The following SH3GL3 variants were observed in gnomAD, a reference collection of about 807,000 sequenced individuals.
SH3GL3 encodes endophilin-A3.
In SH3GL3, 33 loss-of-function variants were observed where a neutral mutation model predicts 47.7. The observed-to-expected ratio is 0.69, with a 90% CI of 0.52 to 0.92. The LOEUF (loss-of-function observed/expected upper bound fraction) is 0.92. Among genes scored for constraint, SH3GL3 ranks in the 40% least tolerant of loss-of-function variants. The pLI, the probability that SH3GL3 is intolerant of heterozygous loss-of-function variation, is 0.00. For missense variants in SH3GL3, 363 were observed against 417.8 expected (o/e 0.87, Z 1.14); for synonymous variants, 155 against 148.8 (o/e 1.04, Z -0.30).
chr15:83,478,230 T>C (rs911237709), intron 1 of SH3GL3, among the ~76,000 whole-genome samples: 9 of 152,156 alleles, frequency 5.9e-5, no homozygotes, highest in African/African-American at 2.2e-4. Flanking sequence ...TCTGAGCAGG[T>C]AGAAGGTGTA....
intron 1 of SH3GL3, among the ~76,000 whole-genome samples, chr15:83,474,746 C>T (rs775169491): frequency 2.6e-5 from 4 of 152,132 alleles, no homozygotes; most frequent in Non-Finnish European, 5.9e-5. Flanking sequence ...ATGAACTGAG[C>T]GCTTGCCCAT....
At chr15:83,535,036 T>C (rs529872588) in intron 1 of SH3GL3, among the ~76,000 whole-genome samples, 1 of 152,314 alleles carries the variant, frequency 6.6e-6, no homozygotes, top group Non-Finnish European at 1.5e-5. Context: ...AAAGTTTTAA[T>C]AAAATTTGGT....
the SH3GL3 span, among the ~76,000 whole-genome samples, chr15:83,627,827 C>T: frequency 6.6e-6 from 1 of 152,140 alleles, no homozygotes; most frequent in East Asian, 1.9e-4. Context: ...TAAAGCCACC[C>T]CTCTTTTTCA....
chr15:83,497,563 G>A (rs2151597478), intron 1 of SH3GL3, among the ~76,000 whole-genome samples: 1 of 152,240 alleles, frequency 6.6e-6, no homozygotes, highest in African/African-American at 2.4e-5. Context: ...CCTAAGGTCT[G>A]TGCAGGTTAC....
intron 6 of SH3GL3, 127 bp downstream of exon 6, chr15:83,576,868 C>T: frequency 2.3e-6 from 1 of 435,944 alleles, no homozygotes; most frequent in African/African-American, 2.1e-5. Flanking sequence ...CTGGGCCACA[C>T]ATAAAATACA....
chr15:83,537,729 C>G lies in SH3GL3; in HGVS notation c.46-21524C>G, dbSNP rs185663163. 6.5e-4 allele frequency among the ~76,000 whole-genome samples: 99 copies of G among 152,174 alleles called. 1 individual carries two copies. Among genetic ancestry groups the G allele is most frequent in the Middle Eastern group, 3.4e-3 (1 of 294 alleles). On this transcript the variant is annotated intron_variant, in intron 1 of 8. Coordinates refer to ENST00000427482, the MANE Select transcript of SH3GL3 (RefSeq NM_003027.5). ...TCTGTATCAACTTTTATCTTGGGAG[C>G]AGTTTTCTACTATGCATATATTGGT...
At chr15:83,545,755 C>T (rs1310862797) in intron 1 of SH3GL3, among the ~76,000 whole-genome samples, 1 of 152,168 alleles carries the variant, frequency 6.6e-6, no homozygotes, top group East Asian at 1.9e-4. Context: ...GCCCTAAGCC[C>T]AGTAACTCTG....
Position 83,525,351 on chromosome 15 carries a change from C to CGTGTGTGTGTGTGT in SH3GL3, c.46-33887_46-33874dup, listed in dbSNP as rs3078536. Among the ~76,000 whole-genome samples, 483 of 148,092 alleles carry CGTGTGTGTGTGTGT rather than the reference C, an allele frequency of 3.3e-3. 8 individuals are homozygous for CGTGTGTGTGTGTGT. In the South Asian group the frequency reaches 0.042, roughly 13 times the overall value. On this transcript the variant is annotated intron_variant, in intron 1 of 8. Transcript: ENST00000427482. Reference sequence around the variant, plus strand: ...GCTATTTTAAATGAGATTCTTTGTGCGTGTGTGTGTGTGTGTGTGTGTGTG... The same window carrying CGTGTGTGTGTGTGT: ...GCTATTTTAAATGAGATTCTTTGTGCGTGTGTGTGTGTGTGTGTGTGTGTGTGTGTGTGTGTGTG...
the SH3GL3 span, among the ~76,000 whole-genome samples, chr15:83,632,388 A>G: frequency 8.9e-4 from 136 of 152,358 alleles, no homozygotes; most frequent in African/African-American, 3.1e-3. Context: ...GGAGCTTCTA[A>G]GCACATCATT....
downstream of SH3GL3, among the ~76,000 whole-genome samples, chr15:83,620,581 AG>A (rs2060912637): frequency 6.6e-6 from 1 of 152,248 alleles, no homozygotes; most frequent in African/African-American, 2.4e-5. Context: ...TCTGAACGGT[AG>A]ATCTCAACAG....
intron 1 of SH3GL3, among the ~76,000 whole-genome samples, chr15:83,504,995 G>A (rs2042435853): frequency 6.6e-6 from 1 of 152,038 alleles, no homozygotes; most frequent in South Asian, 2.1e-4. Flanking sequence ...TTTTATACAT[G>A]TATTTTAAAA....
chr15:83,475,747 C>A (rs755279315), intron 1 of SH3GL3, among the ~76,000 whole-genome samples: 1 of 152,192 alleles, frequency 6.6e-6, no homozygotes. Flanking sequence ...CTCATGACTT[C>A]GCACTTACAG....
intron 8 of SH3GL3, among the ~76,000 whole-genome samples, chr15:83,606,287 T>C (rs2060513116): frequency 6.6e-6 from 1 of 152,194 alleles, no homozygotes; most frequent in African/African-American, 2.4e-5. Context: ...ATAAATTTCT[T>C]CACACTTCTA....
chr15:83,450,714 T>C (rs563817008), intron 1 of SH3GL3, among the ~76,000 whole-genome samples: 56 of 150,080 alleles, frequency 3.7e-4, no homozygotes, highest in African/African-American at 1.1e-3. Flanking sequence ...TCTTTTTTTT[T>C]TTTTTTCTAA....
At chr15:83,478,547 A>C (rs958783968) in intron 1 of SH3GL3, among the ~76,000 whole-genome samples, 2 of 152,240 alleles carry the variant, frequency 1.3e-5, no homozygotes, top group Non-Finnish European at 2.9e-5. Flanking sequence ...TGAAGCTTAG[A>C]AATTATGTAT....
chr15:83,565,726 A>G (rs2045502895), intron 3 of SH3GL3: 2 of 152,206 alleles, frequency 1.3e-5, no homozygotes, highest in African/African-American at 4.8e-5. Flanking sequence ...AGCAGCATCT[A>G]TTGATGAGAT....
In SH3GL3 at chr15:83,582,095, G is replaced by A. The variant is rs114263447; in HGVS notation, c.625-4888G>A. 6.7e-3 allele frequency among the ~76,000 whole-genome samples: 1,027 copies of A among 152,326 alleles called. 10 individuals carry two copies. The highest frequency in any genetic ancestry group is 0.023 in the African/African-American group (957 of 41,578). Reference sequence around the variant, plus strand: ...AGACTGGTTACCAGCCTTCATTGCCGTATCTTGGGAACACTATATCACCCA... The same window carrying A: ...AGACTGGTTACCAGCCTTCATTGCCATATCTTGGGAACACTATATCACCCA... On this transcript the variant is annotated intron_variant, in intron 6 of 8. Coordinates refer to ENST00000427482, the MANE Select transcript of SH3GL3 (RefSeq NM_003027.5).
At chr15:83,611,876 T>A (rs1169610768) in intron 8 of SH3GL3, among the ~76,000 whole-genome samples, 2 of 150,268 alleles carry the variant, frequency 1.3e-5, no homozygotes, top group South Asian at 2.3e-4. Flanking sequence ...GACTTTTGTG[T>A]CAAGGGAAAA....
At chr15:83,557,872 C>T (rs764336865) in intron 1 of SH3GL3, among the ~76,000 whole-genome samples, 9 of 152,172 alleles carry the variant, frequency 5.9e-5, no homozygotes, top group Admixed American at 1.3e-4. Context: ...ACTGTAAAGA[C>T]GCAGGACAGG....
Sources: allele counts gnomAD v4.1 joint callset (sites outside exome capture counted in the v4.1 genomes callset), GRCh38; gene constraint gnomAD v4.1.1; transcripts MANE v1.5; gene names NCBI Gene and HGNC (gene_info 2026-07-23, HGNC 2026-07-21).